The following ATP10B variants were observed in gnomAD, a reference collection of about 807,000 sequenced individuals.
The protein encoded by ATP10B is phospholipid-transporting ATPase VB.
A neutral mutation model predicts 141.2 loss-of-function variants in ATP10B; 122 were observed. The ratio of observed to expected loss-of-function variants is 0.86; its 90% confidence interval spans 0.75 to 1.00. The LOEUF is 1.00. Ranked by LOEUF, ATP10B falls within the 50% of genes least tolerant of loss-of-function variation. The pLI is 0.00. For synonymous variants in ATP10B, 685 were observed against 692.0 expected (o/e 0.99, Z 0.16); for missense variants, 1,876 against 1,825.3 (o/e 1.03, Z -0.51).
At chr5:160,650,231 T>C (rs1214926159) in intron 7 of ATP10B, among the ~76,000 whole-genome samples, 1 of 151,896 alleles carries the variant, frequency 6.6e-6, no homozygotes, top group African/African-American at 2.4e-5. Context: ...TACACACATA[T>C]ATATATCTCC....
At chr5:160,576,378 G>T (rs1015857232) in intron 24 of ATP10B, among the ~76,000 whole-genome samples, 1 of 152,132 alleles carries the variant, frequency 6.6e-6, no homozygotes, top group Non-Finnish European at 1.5e-5. Context: ...AACTACAGAC[G>T]TGACTGCAAA....
rs543707741 is a variant in ATP10B, at chr5:160,785,803, C to A, written c.-575G>T. 2 of 539,892 alleles carry A rather than the reference C, an allele frequency of 3.7e-6. No homozygotes were observed. The highest frequency in any genetic ancestry group is 4.1e-5 in the South Asian group (2 of 49,166). 33.4% of individuals were successfully genotyped at this position (539,892 alleles called of 1,614,324 possible). On this transcript the variant is annotated splice_region_variant and 5_prime_UTR_variant, in exon 2 of 26. Coordinates refer to ENST00000327245, the MANE Select transcript of ATP10B (RefSeq NM_025153.3). ...GTTCTGATTCTCTTGTCAAAGGAAG[C>A]CTGCACGACACAGGACAGAAAAGAA...
intron 10 of ATP10B, among the ~76,000 whole-genome samples, chr5:160,636,673 C>A (rs1759399461): frequency 6.6e-6 from 1 of 152,046 alleles, no homozygotes; most frequent in Non-Finnish European, 1.5e-5. Context: ...GGGTAGGGAG[C>A]CTTGAGACCT....
chr5:160,626,187 C>T (rs1295114592), intron 13 of ATP10B, among the ~76,000 whole-genome samples: 1 of 152,212 alleles, frequency 6.6e-6, no homozygotes, highest in African/African-American at 2.4e-5. Context: ...AAGAAATATA[C>T]ATTTGTGGGG....
At chr5:160,719,685 G>A (rs889594630) in intron 2 of ATP10B, among the ~76,000 whole-genome samples, 84 of 152,278 alleles carry the variant, frequency 5.5e-4, no homozygotes, top group African/African-American at 1.9e-3. Context: ...AAATATTATT[G>A]TCCTCATTAG....
At chr5:160,660,360 C>T (rs969148631) in intron 7 of ATP10B, among the ~76,000 whole-genome samples, 1 of 152,174 alleles carries the variant, frequency 6.6e-6, no homozygotes, top group Non-Finnish European at 1.5e-5. Flanking sequence ...AAGAAGCTCC[C>T]ACTGGCTAGA....
chr5:160,841,688 T>C lies in ATP10B; in HGVS notation c.-576+10253A>G, dbSNP rs566871020. ...ACCCAATTAATACAGGGTATTTGAC[T>C]GTATACTCCTAGTTTTACATAGGAT... On this transcript the variant is annotated intron_variant, in intron 1 of 25. Coordinates refer to ENST00000327245, the MANE Select transcript of ATP10B (RefSeq NM_025153.3). Among the ~76,000 whole-genome samples, 3 of 152,266 alleles carry C rather than the reference T, an allele frequency of 2.0e-5. No homozygotes were observed. In the South Asian group the frequency reaches 6.2e-4, roughly 32 times the overall value.
chr5:160,756,960 C>T (rs1768666559), intron 2 of ATP10B, among the ~76,000 whole-genome samples: 1 of 151,820 alleles, frequency 6.6e-6, no homozygotes, highest in Non-Finnish European at 1.5e-5. Flanking sequence ...TTATGAAATT[C>T]AAATTATTGA....
At chr5:160,597,316 T>C (rs1401158811) in intron 22 of ATP10B, among the ~76,000 whole-genome samples, 1 of 152,198 alleles carries the variant, frequency 6.6e-6, no homozygotes, top group East Asian at 1.9e-4. Context: ...TTTTAATAAA[T>C]GGTGCTGGGA....
intron 1 of ATP10B, among the ~76,000 whole-genome samples, chr5:160,797,743 AC>A (rs1772053737): frequency 8.4e-6 from 1 of 119,412 alleles, no homozygotes; most frequent in Non-Finnish European, 1.8e-5. Context: ...ATGCACAAAC[AC>A]AAACACACAG....
chr5:160,874,228 C>A, the ATP10B span, among the ~76,000 whole-genome samples: 3 of 150,438 alleles, frequency 2.0e-5, no homozygotes, highest in South Asian at 2.1e-4. Flanking sequence ...TCCCTGACCC[C>A]TGACCCCTGA....
chr5:160,696,249 G>A (rs1764356546), intron 3 of ATP10B, among the ~76,000 whole-genome samples: 1 of 152,052 alleles, frequency 6.6e-6, no homozygotes, highest in African/African-American at 2.4e-5. Flanking sequence ...TGGGATTACA[G>A]GCACCCGCCA....
chr5:160,854,879 G>A (rs115142216), upstream of ATP10B, among the ~76,000 whole-genome samples: 92 of 152,132 alleles, frequency 6.0e-4, no homozygotes, highest in Non-Finnish European at 1.2e-3. Flanking sequence ...ATAGATTGAC[G>A]CAATTATTCT....
At chr5:160,691,102 A>C (rs567098027) in intron 3 of ATP10B, among the ~76,000 whole-genome samples, 4 of 152,328 alleles carry the variant, frequency 2.6e-5, no homozygotes, top group African/African-American at 9.6e-5. Flanking sequence ...AAACTAACAC[A>C]GGAACAGAAA....
At chr5:160,752,908 A>G (rs1271604622) in intron 2 of ATP10B, among the ~76,000 whole-genome samples, 2 of 152,122 alleles carry the variant, frequency 1.3e-5, no homozygotes, top group Non-Finnish European at 2.9e-5. Flanking sequence ...TGGATAGCCA[A>G]ACTTTACTAG....
At chr5:160,768,362 G>C (rs901275061) in intron 2 of ATP10B, among the ~76,000 whole-genome samples, 1 of 152,178 alleles carries the variant, frequency 6.6e-6, no homozygotes, top group Non-Finnish European at 1.5e-5. Context: ...AAATGGTGAA[G>C]CTGGGTGTGT....
At chr5:160,661,263 G>A (rs1761890061) in intron 7 of ATP10B, among the ~76,000 whole-genome samples, 1 of 151,662 alleles carries the variant, frequency 6.6e-6, no homozygotes, top group Non-Finnish European at 1.5e-5. Flanking sequence ...GGTTTATTAA[G>A]CAACAAAAAC....
intron 2 of ATP10B, among the ~76,000 whole-genome samples, chr5:160,735,335 GA>G (rs1305392977): frequency 6.6e-6 from 1 of 151,788 alleles, no homozygotes; most frequent in Non-Finnish European, 1.5e-5. Context: ...AACTAAAAAA[GA>G]GCAAGATATC....
rs141381951 is a variant in ATP10B at position 160,849,076 on chromosome 5, C to T, written c.-576+2865G>A. On this transcript the variant is annotated intron_variant, in intron 1 of 25. Transcript: ENST00000327245. ...GAGGTTTTGCCCTTCTAATAGTTCC[C>T]GAGTAATTCTGATACAGCCGGCCCA... Among the ~76,000 whole-genome samples the T allele has an allele frequency of 1.0e-2, 1,515 of 152,184 alleles. 17 individuals are homozygous for T. The highest frequency in any genetic ancestry group is 0.019 in the South Asian group (93 of 4,820).
Sources: allele counts gnomAD v4.1 joint callset (sites outside exome capture counted in the v4.1 genomes callset), GRCh38; gene constraint gnomAD v4.1.1; transcripts MANE v1.5; gene names NCBI Gene and HGNC (gene_info 2026-07-23, HGNC 2026-07-21).